CLN6: variants seen among roughly 807,000 people sequenced by gnomAD.
CLN6 encodes the protein CLN6 transmembrane ER protein, also known as ceroid-lipofuscinosis neuronal protein 6.
CLN6 carries 22 observed loss-of-function variants against 33.3 expected under a neutral mutation model. That is an observed-to-expected ratio of 0.66 (90% CI 0.47 to 0.94). CLN6 has a LOEUF of 0.94. CLN6 is among the 40% of genes least tolerant of loss of function. The pLI is 0.00. For missense variants in CLN6, 387 were observed against 417.1 expected, an observed-to-expected ratio of 0.93 and a Z score of 0.63; for synonymous variants, 201 against 174.6, an observed-to-expected ratio of 1.15 and a Z score of -1.19.
intron 1 of CLN6, among the ~76,000 whole-genome samples, chr15:68,225,109 A>C (rs1183999248): frequency 6.6e-6 from 1 of 152,208 alleles, no homozygotes; most frequent in African/African-American, 2.4e-5. Context: ...TATTTAAAGA[A>C]TGGTGACATA....
chr15:68,214,267 G>C (rs2093214308), intron 3 of CLN6, 23 bp downstream of exon 3: 2 of 1,558,586 alleles, frequency 1.3e-6, no homozygotes, highest in African/African-American at 1.4e-5. Context: ...TGACAGGAGA[G>C]AGTGGGGGCC....
At position 68,219,364 on chromosome 15, in the gene CLN6, A is replaced by T. The variant is rs1419151807; in HGVS notation, c.84-714T>A. ...CTCGCTTGATTCCAGCACTGTGAGG[A>T]GGTCAGGTTGGGCTGCTGGTAATCC... On this transcript the variant is annotated intron_variant, in intron 1 of 6. Coordinates refer to ENST00000249806, the MANE Select transcript of CLN6 (RefSeq NM_017882.3). This position sits in a 1 kb window ranked among gnomAD's most constrained non-coding sequence, Gnocchi z 4.2. 6.6e-6 allele frequency among the ~76,000 whole-genome samples: 1 copy of T among 152,146 alleles called. No individual in the cohort carries two copies. The highest frequency in any genetic ancestry group is 1.5e-5 in the Non-Finnish European group (1 of 68,020).
chr15:68,229,406 G>A (rs2093261950), intron 1 of CLN6, 96 bp downstream of exon 1: 1 of 1,012,210 alleles, frequency 9.9e-7, no homozygotes, highest in Non-Finnish European at 1.4e-6. Flanking sequence ...CGCACACGAG[G>A]TTCCCGCCCG....
intron 2 of CLN6, among the ~76,000 whole-genome samples, chr15:68,216,352 T>C (rs891813504): frequency 6.6e-6 from 1 of 152,316 alleles, no homozygotes; most frequent in Non-Finnish European, 1.5e-5. Context: ...GACAGTGACT[T>C]GCCCTAGGTC....
Position 68,227,579 on chromosome 15 carries a change from C to T in CLN6, c.83+1923G>A, listed in dbSNP as rs2093255990. On this transcript the variant is annotated intron_variant, in intron 1 of 6. Coordinates refer to ENST00000249806, the MANE Select transcript of CLN6 (RefSeq NM_017882.3). The surrounding 1 kb of genome is among the most constrained non-coding windows in gnomAD (Gnocchi z 4.1). ...AGACAGAGAGCTCCCACCCTCACAC[C>T]ACCCCCCTGGGAATACCCTGGCTGG... is the stretch of plus-strand genomic sequence containing the variant. Among the ~76,000 whole-genome samples the T allele has an allele frequency of 6.6e-6, 1 of 152,162 alleles. No individual in the cohort carries two copies. Among genetic ancestry groups the T allele is most frequent in the African/African-American group, 2.4e-5 (1 of 41,438 alleles).
At chr15:68,222,181 A>ATCG (rs2093238926) in intron 1 of CLN6, among the ~76,000 whole-genome samples, 1 of 54,652 alleles carries the variant, frequency 1.8e-5, no homozygotes, top group Non-Finnish European at 3.6e-5. Context: ...CGGCCGCCCC[A>ATCG]TCTGGGAGGT....
chr15:68,207,979 G>GACAC lies in CLN6; in HGVS notation c.*157_*160dup, dbSNP rs3837692. The GACAC allele has an allele frequency of 0.021, 12,997 of 630,430 alleles. 50 individuals carry two copies. Among genetic ancestry groups the GACAC allele is most frequent in the East Asian group, 0.051 (1,700 of 33,060 alleles). 39.1% of individuals were successfully genotyped at this position (630,430 alleles called of 1,614,324 possible). ...ATGCACTCTGCGCACACATATACAAGACACACACACACACACACACGAATC... is the reference window on the plus strand; with the variant it reads ...ATGCACTCTGCGCACACATATACAAGACACACACACACACACACACACACGAATC... On this transcript the variant is annotated 3_prime_UTR_variant, in exon 7 of 7. Transcript: ENST00000249806.
chr15:68,240,448 A>G (rs1437562483), intron 1 of CLN6, among the ~76,000 whole-genome samples: 1 of 151,846 alleles, frequency 6.6e-6, no homozygotes, highest in African/African-American at 2.4e-5. Flanking sequence ...AAATACAAAA[A>G]AAATTATCTG....
Position 68,211,127 on chromosome 15 carries a change from G to A in CLN6, c.542+136C>T, listed in dbSNP as rs1203641568. ...AACTTCACTGGAGGTTGAGCTCACA[G>A]TGCCTTTACAGGGGATGAGACTCAA... On this transcript the variant is annotated intron_variant, in intron 5 of 6. Transcript: ENST00000249806. The surrounding 1 kb of genome is among the most constrained non-coding windows in gnomAD (Gnocchi z 5.9). The A allele has an allele frequency of 2.5e-6, 2 of 811,164 alleles. No homozygotes were observed. Among genetic ancestry groups the A allele is most frequent in the African/African-American group, 1.7e-5 (1 of 59,704 alleles). 50.2% of individuals were successfully genotyped at this position (811,164 alleles called of 1,614,324 possible).
In CLN6 at chr15:68,209,675, A is replaced by G; in HGVS notation, c.627T>C (p.Pro209=). The change falls in exon 6 of 7, where the codon CCT becomes CCC. Residue 209 remains proline, a synonymous_variant. Coordinates refer to ENST00000249806, the MANE Select transcript of CLN6 (RefSeq NM_017882.3). This position sits in a 1 kb window ranked among gnomAD's most constrained non-coding sequence, Gnocchi z 4.9. ...ASKAESLIPG[P]ALLLVAPSGL... ...CACTGGGTGCCACCAGGAGCAGGGCAGGCCCTGGAATCAAGCTCTCAGCTT... is the reference window on the plus strand; with the variant it reads ...CACTGGGTGCCACCAGGAGCAGGGCGGGCCCTGGAATCAAGCTCTCAGCTT... The G allele has an allele frequency of 6.2e-7, 1 of 1,613,508 alleles. No individual in the cohort carries two copies. Among genetic ancestry groups the G allele is most frequent in the Non-Finnish European group, 8.5e-7 (1 of 1,179,872 alleles).
rs757079922 is a variant in CLN6 at position 68,228,091 on chromosome 15, A to G, written c.83+1411T>C. On this transcript the variant is annotated intron_variant, in intron 1 of 6. Transcript: ENST00000249806. This position sits in a 1 kb window ranked among gnomAD's most constrained non-coding sequence, Gnocchi z 4.4. The stretch of plus-strand genomic sequence containing the variant: ...CATCTAAGCCTATTTCCTCATCAGT[A>G]AAATAATACTTAACTCACAGGCCGA... 1.3e-5 allele frequency among the ~76,000 whole-genome samples: 2 copies of G among 152,210 alleles called. No individual in the cohort carries two copies. Among genetic ancestry groups the G allele is most frequent in the Non-Finnish European group, 2.9e-5 (2 of 68,038 alleles).
At chr15:68,238,046 C>G (rs1324484047) in intron 1 of CLN6, among the ~76,000 whole-genome samples, 1 of 151,610 alleles carries the variant, frequency 6.6e-6, no homozygotes, top group African/African-American at 2.4e-5. Context: ...TTACTTGAAC[C>G]CAGGAGGCAG....
upstream of CLN6, among the ~76,000 whole-genome samples, chr15:68,230,558 T>C (rs769348576): frequency 6.6e-6 from 1 of 152,148 alleles, no homozygotes; most frequent in Non-Finnish European, 1.5e-5. The surrounding 1 kb of genome is among the most constrained non-coding windows in gnomAD (Gnocchi z 4.0). Context: ...AGGACTTCAT[T>C]AGTGGTACCA....
rs1226717874 is a variant in CLN6, at chr15:68,221,728, C to G, written c.84-3078G>C. Among the ~76,000 whole-genome samples the G allele has an allele frequency of 2.0e-5, 3 of 151,934 alleles. No individual in the cohort carries two copies. The East Asian group carries it at 5.8e-4, about 30-fold the overall frequency. Reference sequence around the variant, plus strand: ...GTGAGGAGCCCCTCTGCCCGGCCACCCCATCTGGGAGGTGAGAAGCGCCTC... The same window carrying G: ...GTGAGGAGCCCCTCTGCCCGGCCACGCCATCTGGGAGGTGAGAAGCGCCTC... On this transcript the variant is annotated intron_variant, in intron 1 of 6. Coordinates refer to ENST00000249806, the MANE Select transcript of CLN6 (RefSeq NM_017882.3).
At chr15:68,229,195 A>T (rs1249221442) in intron 1 of CLN6, among the ~76,000 whole-genome samples, 9 of 152,048 alleles carry the variant, frequency 5.9e-5, no homozygotes, top group Admixed American at 5.9e-4. Context: ...TCCCGGCGCC[A>T]GCCCGGGTCG....
Position 68,208,347 on chromosome 15 carries a change from G to C in CLN6, c.729C>G (p.Ala243=). 6.2e-7 allele frequency: 1 copy of C among 1,613,946 alleles called. No individual in the cohort carries two copies. ...GCTTGCGCTTCTGGTGCAGGACGAG[G>C]GCCAGCATGGCGAAGAAGGTGAAGA... is the stretch of plus-strand genomic sequence containing the variant. ...LFIFTFFAML[A]LVLHQKRKRL... Residue 243 remains alanine (A), a synonymous_variant, in exon 7 of 7, where the codon GCC becomes GCG. Coordinates refer to ENST00000249806, the MANE Select transcript of CLN6 (RefSeq NM_017882.3). The surrounding 1 kb of genome is among the most constrained non-coding windows in gnomAD (Gnocchi z 5.8).
chr15:68,248,915 T>C (rs1283932430), intron 1 of CLN6, among the ~76,000 whole-genome samples: 1 of 152,034 alleles, frequency 6.6e-6, no homozygotes, highest in Non-Finnish European at 1.5e-5. Context: ...CAAGGGGGAT[T>C]AATAACCAGA....
intron 1 of CLN6, among the ~76,000 whole-genome samples, chr15:68,239,754 G>A (rs925336276): frequency 2.0e-5 from 3 of 152,126 alleles, no homozygotes; most frequent in Non-Finnish European, 4.4e-5. Flanking sequence ...TGAATTTAGT[G>A]AATAAATTAC....
chr15:68,233,887 G>A (rs990252270), upstream of CLN6, among the ~76,000 whole-genome samples: 2 of 152,312 alleles, frequency 1.3e-5, no homozygotes, highest in South Asian at 2.1e-4. This position sits in a 1 kb window ranked among gnomAD's most constrained non-coding sequence, Gnocchi z 4.3. Flanking sequence ...GTGTCAACTG[G>A]TATTGCCTGC....
Sources: allele counts gnomAD v4.1 joint callset (sites outside exome capture counted in the v4.1 genomes callset), GRCh38; gene constraint gnomAD v4.1.1; non-coding constraint Gnocchi (gnomAD v3.1); transcripts MANE v1.5; gene names NCBI Gene and HGNC (gene_info 2026-07-23, HGNC 2026-07-21).